The following HMGB1 variants were observed in gnomAD, a reference collection of about 807,000 sequenced individuals.
HMGB1 encodes the protein high mobility group protein B1.
For synonymous variants in HMGB1, 81 were observed against 84.0 expected (o/e 0.96, Z 0.19); for missense variants, 79 against 253.5 (o/e 0.31, Z 4.67).
At chr13:30,510,829 AG>A (rs1475089038) in intron 1 of HMGB1, among the ~76,000 whole-genome samples, 1 of 152,206 alleles carries the variant, frequency 6.6e-6, no homozygotes, top group Non-Finnish European at 1.5e-5. Flanking sequence ...ACTAATTGAG[AG>A]ATCAATTCTC....
chr13:30,478,019 A>G (rs541752911), intron 1 of HMGB1, among the ~76,000 whole-genome samples: 65 of 152,260 alleles, frequency 4.3e-4, no homozygotes, highest in Non-Finnish European at 7.2e-4. Context: ...TTTGACTTAC[A>G]AGAATGGAAA....
intron 1 of HMGB1, among the ~76,000 whole-genome samples, chr13:30,573,472 A>G (rs1288137157): frequency 6.6e-6 from 1 of 152,260 alleles, no homozygotes; most frequent in Non-Finnish European, 1.5e-5. Context: ...ATAATTTTAA[A>G]AGTTTAAAAA....
intron 1 of HMGB1, among the ~76,000 whole-genome samples, chr13:30,488,289 A>G (rs967287580): frequency 6.6e-6 from 1 of 152,242 alleles, no homozygotes; most frequent in Non-Finnish European, 1.5e-5. Flanking sequence ...AACTATCACT[A>G]AACAAAACAA....
intron 1 of HMGB1, among the ~76,000 whole-genome samples, chr13:30,592,799 A>T (rs533237134): frequency 2.8e-4 from 43 of 151,998 alleles, no homozygotes; most frequent in African/African-American, 1.0e-3. Context: ...TTTTAAAATA[A>T]TTTTACTATT....
At chr13:30,603,412 C>A (rs898658676) in intron 1 of HMGB1, among the ~76,000 whole-genome samples, 2 of 152,220 alleles carry the variant, frequency 1.3e-5, no homozygotes, top group Non-Finnish European at 2.9e-5. Context: ...CTATTAATAC[C>A]CTTTCTCTCC....
rs530153708 is a variant in HMGB1, at chr13:30,559,183, T to C, written c.-15+57488A>G. Among the ~76,000 whole-genome samples, 2 of 152,198 alleles carry C rather than the reference T, an allele frequency of 1.3e-5. No homozygotes were observed. Among genetic ancestry groups the C allele is most frequent in the Admixed American group, 6.5e-5 (1 of 15,280 alleles). ...GTGCGGGTGGAGGAAAAATTGCCCC[T>C]GTTGAGAAGCACTGCCTTAGATCAT... is the stretch of plus-strand genomic sequence containing the variant. On this transcript the variant is annotated intron_variant, in intron 1 of 4. Transcript: ENST00000405805. The surrounding 1 kb of genome is among the most constrained non-coding windows in gnomAD (Gnocchi z 6.6).
chr13:30,568,054 T>A (rs1413421602), intron 1 of HMGB1, among the ~76,000 whole-genome samples: 3 of 152,158 alleles, frequency 2.0e-5, no homozygotes, highest in Non-Finnish European at 4.4e-5. Flanking sequence ...TCCCCCTGGG[T>A]GGAATCTTCC....
At chr13:30,545,995 T>G (rs1869140417) in intron 1 of HMGB1, among the ~76,000 whole-genome samples, 1 of 152,152 alleles carries the variant, frequency 6.6e-6, no homozygotes. Context: ...AGCCACCACG[T>G]GCAGCCACAC....
At chr13:30,461,622 C>G (rs1886341358) in intron 4 of HMGB1, 89 bp from the exon 5 acceptor site, 5 of 1,579,808 alleles carry the variant, frequency 3.2e-6, no homozygotes, top group Admixed American at 1.8e-5. Context: ...TGAAAGAAAT[C>G]AAGATTCTAG....
chr13:30,487,734 TA>T (rs1887395440), intron 1 of HMGB1, among the ~76,000 whole-genome samples: 1 of 152,150 alleles, frequency 6.6e-6, no homozygotes, highest in Non-Finnish European at 1.5e-5. Context: ...GAAAAATTAT[TA>T]AATAGTGAAG....
chr13:30,463,876 GCAAA>G (rs1886520906), intron 1 of HMGB1, 182 bp from the exon 2 acceptor site: 1 of 536,674 alleles, frequency 1.9e-6, no homozygotes, highest in Non-Finnish European at 3.1e-6. Flanking sequence ...GCTATGCCAA[GCAAA>G]CAAAACAAAA....
At chr13:30,583,134 T>C (rs758968713) in intron 1 of HMGB1, among the ~76,000 whole-genome samples, 4 of 152,066 alleles carry the variant, frequency 2.6e-5, no homozygotes, top group Non-Finnish European at 4.4e-5. Context: ...CCCAAAGTGA[T>C]AGGATTTCAA....
At chr13:30,522,398 C>T (rs1888259758) in intron 1 of HMGB1, among the ~76,000 whole-genome samples, 1 of 152,134 alleles carries the variant, frequency 6.6e-6, no homozygotes, top group African/African-American at 2.4e-5. Flanking sequence ...GCCACTGTGC[C>T]TGGACATAAT....
chr13:30,509,981 A>G (rs764240984), intron 1 of HMGB1, among the ~76,000 whole-genome samples: 1 of 152,178 alleles, frequency 6.6e-6, no homozygotes, highest in Non-Finnish European at 1.5e-5. Flanking sequence ...AGAGAAAGCT[A>G]ACCTTTCTGT....
chr13:30,471,100 T>C (rs1453697715), intron 1 of HMGB1, among the ~76,000 whole-genome samples: 1 of 152,042 alleles, frequency 6.6e-6, no homozygotes, highest in Non-Finnish European at 1.5e-5. Context: ...TGCCTCAGAC[T>C]CCTGAGTAGC....
At chr13:30,475,624 C>T (rs1009314566) in intron 1 of HMGB1, among the ~76,000 whole-genome samples, 9 of 151,894 alleles carry the variant, frequency 5.9e-5, no homozygotes, top group Admixed American at 1.3e-4. Flanking sequence ...TGTTTGAGCC[C>T]GGGAGTTTGA....
chr13:30,537,413 AGATT>A (rs1292798603), intron 1 of HMGB1, among the ~76,000 whole-genome samples: 1 of 151,948 alleles, frequency 6.6e-6, no homozygotes, highest in African/African-American at 2.4e-5. Flanking sequence ...ACTAATACCT[AGATT>A]AAGAAACAGT....
chr13:30,595,000 C>T (rs1871539524), intron 1 of HMGB1, among the ~76,000 whole-genome samples: 1 of 151,898 alleles, frequency 6.6e-6, no homozygotes, highest in South Asian at 2.1e-4. Flanking sequence ...GGCATACAGA[C>T]GTTCTTTGTG....
chr13:30,498,449 A>T (rs1342683967), intron 1 of HMGB1, among the ~76,000 whole-genome samples: 1 of 151,822 alleles, frequency 6.6e-6, no homozygotes, highest in African/African-American at 2.4e-5. Context: ...GGGGCTGGAG[A>T]GGGATAAGAG....
Sources: gnomAD v4.1 joint callset for allele counts (sites outside exome capture counted in the v4.1 genomes callset) on GRCh38, gnomAD v4.1.1 for gene constraint, Gnocchi (gnomAD v3.1) non-coding constraint, MANE v1.5 for transcripts, NCBI Gene and HGNC (gene_info 2026-07-23, HGNC 2026-07-21) for gene names.